Variants in AMMECR1 observed in about 807,000 individuals in gnomAD.
AMMECR1 encodes the protein nuclear protein AMMECR1.
A neutral mutation model predicts 22.5 loss-of-function variants in AMMECR1; 3 were observed. The ratio of observed to expected loss-of-function variants is 0.13; its 90% CI spans 0.06 to 0.35. AMMECR1 has a LOEUF of 0.35. Among genes scored for constraint, AMMECR1 ranks in the 10% least tolerant of loss-of-function variants. The probability of loss-of-function intolerance (pLI) is 1.00; values close to 1 mark genes in which losing one functional copy is unlikely to be tolerated. For missense variants in AMMECR1, 235 were observed against 278.7 expected, an observed-to-expected ratio of 0.84 and a Z score of 1.12; for synonymous variants, 130 against 116.7, an observed-to-expected ratio of 1.11 and a Z score of -0.74.
At chrX:110,329,898 G>A (rs1251182660) in intron 2 of AMMECR1, among the ~76,000 whole-genome samples, 1 of 111,867 alleles carries the variant, frequency 8.9e-6, no homozygotes, top group Admixed American at 9.5e-5. Context: ...GTTTTTAGGT[G>A]CTTTTAAGCT....
intron 1 of AMMECR1, among the ~76,000 whole-genome samples, chrX:110,290,132 T>C (rs2067900146): frequency 1.8e-5 from 2 of 111,788 alleles, no homozygotes; most frequent in African/African-American, 6.5e-5. Context: ...TTACAGCAAA[T>C]AATCAAGGAA....
At chrX:110,305,303 T>G (rs1305586045) in intron 1 of AMMECR1, 1 of 112,150 alleles carries the variant, frequency 8.9e-6, no homozygotes, top group Admixed American at 9.4e-5. Flanking sequence ...AGTCTTAAGA[T>G]AATACTGGCA....
At chrX:110,362,678 T>C (rs2068272023) in intron 2 of AMMECR1, among the ~76,000 whole-genome samples, 1 of 111,937 alleles carries the variant, frequency 8.9e-6, no homozygotes, top group South Asian at 3.7e-4. Context: ...ATAAATGAAG[T>C]ATTTACCAGT....
chrX:110,272,544 A>G (rs906383587), intron 1 of AMMECR1, among the ~76,000 whole-genome samples: 5 of 112,093 alleles, frequency 4.5e-5, no homozygotes, highest in African/African-American at 1.6e-4. Flanking sequence ...TAGGGTTTAC[A>G]TGTGCTTGTT....
chrX:110,314,619 T>C (rs2068039665), intron 1 of AMMECR1, among the ~76,000 whole-genome samples: 1 of 112,108 alleles, frequency 8.9e-6, no homozygotes. Context: ...GATCCCTTTA[T>C]AGTAGCAAAC....
At chrX:110,340,125 G>C (rs1194185034) in intron 2 of AMMECR1, among the ~76,000 whole-genome samples, 1 of 109,968 alleles carries the variant, frequency 9.1e-6, no homozygotes, top group African/African-American at 3.3e-5. Flanking sequence ...CTTAAACTTT[G>C]GGCCTCATCT....
At chrX:110,428,720 C>T (rs916805398) in intron 1 of AMMECR1, among the ~76,000 whole-genome samples, 2 of 111,517 alleles carry the variant, frequency 1.8e-5, no homozygotes, top group African/African-American at 6.5e-5. Flanking sequence ...ATTCCAGATC[C>T]TTCCTTCCCA....
intron 5 of AMMECR1, among the ~76,000 whole-genome samples, chrX:110,200,708 C>T (rs2067392837): frequency 8.9e-6 from 1 of 111,931 alleles, no homozygotes; most frequent in African/African-American, 3.2e-5. Context: ...TCTCCAAGGG[C>T]TTGCTCGTAC....
intron 1 of AMMECR1, among the ~76,000 whole-genome samples, chrX:110,299,639 A>G (rs2067955087): frequency 8.9e-6 from 1 of 111,856 alleles, no homozygotes; most frequent in Non-Finnish European, 1.9e-5. Context: ...TGCTCTATAT[A>G]AGATCCTAAG....
At chrX:110,292,925 C>CTA (rs1469892207) in intron 1 of AMMECR1, among the ~76,000 whole-genome samples, 1 of 111,625 alleles carries the variant, frequency 9.0e-6, no homozygotes, top group Admixed American at 9.5e-5. Context: ...ATGGGGGAGG[C>CTA]TATATATATG....
upstream of AMMECR1, among the ~76,000 whole-genome samples, chrX:110,319,242 G>A (rs1338127298): frequency 8.9e-6 from 1 of 112,284 alleles, no homozygotes; most frequent in African/African-American, 3.2e-5. Context: ...AGAAATGAAC[G>A]TGATAGAAAT....
intron 1 of AMMECR1, among the ~76,000 whole-genome samples, chrX:110,428,019 G>A (rs753163889): frequency 1.3e-4 from 15 of 111,973 alleles, no homozygotes; most frequent in South Asian, 7.5e-4. Flanking sequence ...CTCCCACAGC[G>A]TCCACAACAT....
rs767588240 is a variant in AMMECR1, at chrX:110,207,855, C to A, written c.700-5319G>T. Among the ~76,000 whole-genome samples the A allele has an allele frequency of 2.7e-5, 3 of 111,488 alleles. No homozygotes were observed. In the East Asian group the frequency reaches 8.4e-4, roughly 31 times the overall value. On this transcript the variant is annotated intron_variant, in intron 3 of 5. Transcript: ENST00000262844. ...TCTTACAAAAAAATTCCCTTTAGAG[C>A]CAGGCAGAGTGGCTCGAGCCTGTTG...
intron 2 of AMMECR1, among the ~76,000 whole-genome samples, chrX:110,418,905 G>A (rs1310687692): frequency 1.0e-5 from 1 of 98,298 alleles, no homozygotes; most frequent in Non-Finnish European, 2.0e-5. Context: ...GCCCACCCCC[G>A]CCCTTTACAC....
At chrX:110,339,657 C>T (rs1348559767) in intron 2 of AMMECR1, among the ~76,000 whole-genome samples, 1 of 109,328 alleles carries the variant, frequency 9.1e-6, no homozygotes, top group Non-Finnish European at 1.9e-5. Context: ...CCACCACGCC[C>T]GGCTAATTTT....
intron 2 of AMMECR1, among the ~76,000 whole-genome samples, chrX:110,393,951 A>G (rs1343468158): frequency 1.8e-5 from 2 of 112,460 alleles, no homozygotes; most frequent in African/African-American, 6.5e-5. Context: ...ATACGAATCC[A>G]TGATAATAAA....
At chrX:110,241,792 A>G (rs950410252) in intron 2 of AMMECR1, among the ~76,000 whole-genome samples, 1 of 111,875 alleles carries the variant, frequency 8.9e-6, no homozygotes, top group Non-Finnish European at 1.9e-5. Context: ...CCGACACACA[A>G]AAAAAACAAA....
chrX:110,301,741 G>A (rs2067967991), intron 1 of AMMECR1, among the ~76,000 whole-genome samples: 1 of 111,424 alleles, frequency 9.0e-6, no homozygotes, highest in South Asian at 3.8e-4. Context: ...GAAACCTGAT[G>A]AAAGATATGA....
chrX:110,359,561 A>G (rs999788811), intron 2 of AMMECR1, among the ~76,000 whole-genome samples: 2 of 111,571 alleles, frequency 1.8e-5, no homozygotes, highest in Non-Finnish European at 3.8e-5. Context: ...TAGAATCCAG[A>G]TTCTCTGATT....
Sources: allele counts gnomAD v4.1 joint callset (sites outside exome capture counted in the v4.1 genomes callset), GRCh38; gene constraint gnomAD v4.1.1; transcripts MANE v1.5; gene names NCBI Gene and HGNC (gene_info 2026-07-23, HGNC 2026-07-21).